The following GRIP1 variants were observed in gnomAD, a reference collection of about 807,000 sequenced individuals.
The protein encoded by GRIP1 is glutamate receptor interacting protein 1.
In GRIP1, 45 loss-of-function variants were observed where a neutral mutation model predicts 129.9. That is an observed-to-expected ratio of 0.35 (90% CI 0.27 to 0.44). The LOEUF (loss-of-function observed/expected upper bound fraction) is 0.44. GRIP1 is among the 20% of genes least tolerant of loss of function. The probability of loss-of-function intolerance (pLI) is 1.00; values close to 1 mark genes in which losing one functional copy is unlikely to be tolerated. For missense variants in GRIP1, 1,196 were observed against 1,396.8 expected (o/e 0.86, Z 2.29); for synonymous variants, 530 against 520.8 (o/e 1.02, Z -0.24).
intron 1 of GRIP1, among the ~76,000 whole-genome samples, chr12:66,653,169 T>C (rs900046092): frequency 1.3e-5 from 2 of 152,228 alleles, no homozygotes; most frequent in Admixed American, 1.3e-4. Flanking sequence ...TCTCCGTTTC[T>C]ACATACAATT....
intron 15 of GRIP1, among the ~76,000 whole-genome samples, chr12:66,416,721 A>G (rs2057617932): frequency 1.3e-5 from 2 of 152,128 alleles, no homozygotes. Flanking sequence ...GAAATTCAAA[A>G]CCTGAACAGA....
intron 1 of GRIP1, among the ~76,000 whole-genome samples, chr12:66,874,398 AT>A (rs960721624): frequency 2.0e-4 from 30 of 149,966 alleles, no homozygotes; most frequent in South Asian, 4.2e-4. Flanking sequence ...CAGGTTTTAG[AT>A]TTTTTTTTTA....
intron 1 of GRIP1, among the ~76,000 whole-genome samples, chr12:66,743,153 A>G (rs1044415913): frequency 1.3e-5 from 2 of 152,134 alleles, no homozygotes; most frequent in Non-Finnish European, 2.9e-5. Context: ...CTCACCTAAC[A>G]TCTACCCCAG....
chr12:66,632,100 A>G (rs1452884394), intron 1 of GRIP1, among the ~76,000 whole-genome samples: 5 of 145,880 alleles, frequency 3.4e-5, no homozygotes, highest in African/African-American at 1.4e-4. Context: ...GTAGGTGTAG[A>G]AACTTGCATT....
At chr12:66,413,625 C>T (rs1350392721) in intron 15 of GRIP1, among the ~76,000 whole-genome samples, 2 of 152,110 alleles carry the variant, frequency 1.3e-5, no homozygotes, top group African/African-American at 4.8e-5. Flanking sequence ...ATACCAAAAC[C>T]TGGGAGAGAT....
At chr12:66,382,223 T>C (rs76484418) in intron 19 of GRIP1, among the ~76,000 whole-genome samples, 2 of 152,258 alleles carry the variant, frequency 1.3e-5, no homozygotes, top group East Asian at 3.9e-4. Flanking sequence ...AGTGAGATCC[T>C]ATCTCCAAAA....
At chr12:66,905,530 A>G (rs531794162) in intron 1 of GRIP1, among the ~76,000 whole-genome samples, 9 of 152,248 alleles carry the variant, frequency 5.9e-5, no homozygotes, top group Non-Finnish European at 1.2e-4. Flanking sequence ...ATGACAATTC[A>G]GGTATGATTG....
intron 1 of GRIP1, among the ~76,000 whole-genome samples, chr12:66,816,990 G>A (rs895955934): frequency 2.0e-5 from 3 of 151,884 alleles, no homozygotes; most frequent in Non-Finnish European, 2.9e-5. Context: ...AGCAGTATTC[G>A]CAAAAGACGA....
intron 7 of GRIP1, among the ~76,000 whole-genome samples, chr12:66,473,223 G>A (rs2138439686): frequency 6.6e-6 from 1 of 152,242 alleles, no homozygotes; most frequent in Middle Eastern, 3.4e-3. Flanking sequence ...GGTTTGAACT[G>A]GGCAGAGGCC....
At chr12:66,482,537 A>G (rs957029040) in intron 7 of GRIP1, among the ~76,000 whole-genome samples, 2 of 152,208 alleles carry the variant, frequency 1.3e-5, no homozygotes, top group East Asian at 1.9e-4. Context: ...ATTGTTTTCC[A>G]TAATAAATGT....
At chr12:66,814,750 CAA>C (rs1015960933) in intron 1 of GRIP1, among the ~76,000 whole-genome samples, 28 of 152,044 alleles carry the variant, frequency 1.8e-4, no homozygotes, top group Middle Eastern at 3.4e-3. Flanking sequence ...TTATATTTAA[CAA>C]AGAGAGAGAG....
intron 1 of GRIP1, among the ~76,000 whole-genome samples, chr12:66,708,196 G>A (rs1490343992): frequency 1.3e-5 from 2 of 151,936 alleles, no homozygotes; most frequent in Non-Finnish European, 2.9e-5. Flanking sequence ...CACAGCATAT[G>A]CACACAGTAG....
At chr12:66,759,419 C>T (rs1169958872) in intron 1 of GRIP1, among the ~76,000 whole-genome samples, 1 of 152,170 alleles carries the variant, frequency 6.6e-6, no homozygotes, top group South Asian at 2.1e-4. Flanking sequence ...GAGGAGCTGC[C>T]ATGAAGGTCT....
chr12:66,483,557 C>T (rs938321103), intron 7 of GRIP1, among the ~76,000 whole-genome samples: 2 of 152,102 alleles, frequency 1.3e-5, no homozygotes, highest in African/African-American at 4.8e-5. Context: ...TTATTGACTC[C>T]CACTCTCTGC....
intron 24 of GRIP1, among the ~76,000 whole-genome samples, chr12:66,353,190 A>G (rs1316935088): frequency 6.6e-6 from 1 of 152,162 alleles, no homozygotes; most frequent in Non-Finnish European, 1.5e-5. Context: ...CTCTGAGCTC[A>G]GTGCCGAAAA....
chr12:66,444,652 G>A lies in GRIP1; in HGVS notation c.1619C>T (p.Ala540Val), dbSNP rs756098164. The stretch of plus-strand genomic sequence containing the variant: ...TGAAGAGTCTCGGAGGAGCTGACTG[G>A]CTTCTTCGAAGGTGCTGTCTTCTGT... ...IPTEDSTFEE[A>V]SQLLRDSSIT... Residue 540 changes from alanine (A) to valine (V), a missense_variant, in exon 13 of 25, where the codon GCC becomes GTC. Physicochemically the swap from Ala to Val is moderately conservative, Grantham distance 64. Transcript: ENST00000359742. The A allele has an allele frequency of 6.2e-7, 1 of 1,613,968 alleles. No individual in the cohort carries two copies. Among genetic ancestry groups the A allele is most frequent in the Non-Finnish European group, 8.5e-7 (1 of 1,179,880 alleles).
intron 2 of GRIP1, among the ~76,000 whole-genome samples, chr12:66,550,766 G>T (rs1278526149): frequency 6.6e-6 from 1 of 152,194 alleles, no homozygotes; most frequent in African/African-American, 2.4e-5. Flanking sequence ...ACAATCATCT[G>T]ATAGTCTAAA....
chr12:66,723,142 AG>A (rs1274763140), intron 1 of GRIP1, among the ~76,000 whole-genome samples: 1 of 150,858 alleles, frequency 6.6e-6, no homozygotes, highest in Non-Finnish European at 1.5e-5. Context: ...AACAAATGAA[AG>A]AAAAAAATCA....
intron 1 of GRIP1, among the ~76,000 whole-genome samples, chr12:66,955,743 G>C (rs1324005872): frequency 6.6e-6 from 1 of 152,052 alleles, no homozygotes; most frequent in African/African-American, 2.4e-5. Context: ...CTGACCTCAA[G>C]TGATCCACCC....
Sources: allele counts gnomAD v4.1 joint callset (sites outside exome capture counted in the v4.1 genomes callset), GRCh38; gene constraint gnomAD v4.1.1; transcripts MANE v1.5; gene names NCBI Gene and HGNC (gene_info 2026-07-23, HGNC 2026-07-21).